The following DNAH5 variants were observed in gnomAD, a reference collection of about 807,000 sequenced individuals.
The protein encoded by DNAH5 is dynein axonemal heavy chain 5.
DNAH5 carries 372 observed loss-of-function variants against 518.2 expected under a neutral mutation model. The observed-to-expected ratio is 0.72, with a 90% CI of 0.66 to 0.78. The LOEUF is 0.78. Ranked by LOEUF, DNAH5 falls within the 30% of genes least tolerant of loss-of-function variation. The pLI, the probability that DNAH5 is intolerant of heterozygous loss-of-function variation, is 0.00. For synonymous variants in DNAH5, 2,039 were observed against 2,025.9 expected (o/e 1.01, Z -0.17); for missense variants, 5,523 against 5,687.0 (o/e 0.97, Z 0.93).
chr5:13,867,827 C>A lies in DNAH5; in HGVS notation c.4000G>T (p.Ala1334Ser). The change falls in exon 25 of 79, where the codon GCT (alanine) becomes TCT (serine). Residue 1334 changes from alanine to serine, a missense_variant. Coordinates refer to ENST00000265104, the MANE Select transcript of DNAH5 (RefSeq NM_001369.3). ...CAATCTTGGAGGAATACCTCCACAG[C>A]ACTAATAAGCTCTTTCTTGAAACTG... ...QPSFKKELIS[A>S]VEVFLQDCHQ... 11 of 1,614,032 alleles carry A rather than the reference C, an allele frequency of 6.8e-6. No homozygotes were observed. The highest frequency in any genetic ancestry group is 1.1e-5 in the South Asian group (1 of 91,080).
chr5:13,841,087 T>C lies in DNAH5; in HGVS notation c.5528A>G (p.Glu1843Gly). ...GIQMIWTRDS[E>G]EALRNAKFDK... Reference sequence around the variant, plus strand: ...AAACTTGGCATTTCTAAGGGCTTCTTCTGAATCCCGTGTCCATATCATCTG... The same window carrying C: ...AAACTTGGCATTTCTAAGGGCTTCTCCTGAATCCCGTGTCCATATCATCTG... The change falls in exon 34 of 79, where the codon GAA (glutamate) becomes GGA (glycine). Residue 1843 changes from glutamate (E) to glycine (G), a missense_variant. Physicochemically the swap from Glu to Gly is moderately conservative, Grantham distance 98. Transcript: ENST00000265104. 6.2e-7 allele frequency: 1 copy of C among 1,614,146 alleles called. No homozygotes were observed. Among genetic ancestry groups the C allele is most frequent in the Non-Finnish European group, 8.5e-7 (1 of 1,180,002 alleles).
chr5:13,731,449 A>G (rs1746541938), intron 68 of DNAH5, among the ~76,000 whole-genome samples: 2 of 152,200 alleles, frequency 1.3e-5, no homozygotes, highest in African/African-American at 4.8e-5. Flanking sequence ...AGTAGCCGGT[A>G]ACTATGTCAT....
Position 13,700,732 on chromosome 5 carries a change from C to T in DNAH5, c.13631G>A (p.Gly4544Asp). The T allele has an allele frequency of 6.2e-7, 1 of 1,614,156 alleles. No individual in the cohort carries two copies. Among genetic ancestry groups the T allele is most frequent in the Non-Finnish European group, 8.5e-7 (1 of 1,180,012 alleles). ...GAGTTTCATGTTCCTCTTGTCCCAG[C>T]CAGCACCTTCAAGATATAAGCCATA... ...YVYGLYLEGA[G>D]WDKRNMKLIE... The change falls in exon 78 of 79, where the codon GGC becomes GAC. Residue 4544 changes from glycine (G) to aspartate (D), a missense_variant. Physicochemically the swap from Gly to Asp is moderately conservative, Grantham distance 94 (BLOSUM62 -1). Around this residue, in one of 3 missense-constraint regions of DNAH5, gnomAD observed 387 missense variants for 430.0 expected, o/e 0.90. Transcript: ENST00000265104.
chr5:13,909,324 C>T (rs1023291342), intron 12 of DNAH5, among the ~76,000 whole-genome samples: 1 of 152,080 alleles, frequency 6.6e-6, no homozygotes, highest in Non-Finnish European at 1.5e-5. Flanking sequence ...TAAAATAGTA[C>T]AATTTTTAAC....
intron 67 of DNAH5, 127 bp downstream of exon 67, chr5:13,735,691 A>G (rs1366912017): frequency 3.6e-6 from 3 of 834,154 alleles, no homozygotes; most frequent in Non-Finnish European, 6.2e-6. Context: ...ATTGGTAATT[A>G]CACTGATCTG....
At position 13,815,246 on chromosome 5, in the gene DNAH5, C is replaced by T. The variant is rs375521705; in HGVS notation, c.6989-400G>A. ...AACTAAGTAGAATGAGGGCATGGGGCATGTTTTAGATAAGGTGGTCGATAA... is the reference window on the plus strand; with the variant it reads ...AACTAAGTAGAATGAGGGCATGGGGTATGTTTTAGATAAGGTGGTCGATAA... On this transcript the variant is annotated intron_variant, in intron 42 of 78. Transcript: ENST00000265104. Among the ~76,000 whole-genome samples the T allele has an allele frequency of 9.7e-4, 148 of 152,158 alleles. 1 individual carries two copies. Among genetic ancestry groups the T allele is most frequent in the African/African-American group, 3.2e-3 (132 of 41,510 alleles).
chr5:13,709,052 G>A (rs1378816284), intron 75 of DNAH5, among the ~76,000 whole-genome samples: 2 of 152,136 alleles, frequency 1.3e-5, no homozygotes, highest in African/African-American at 4.8e-5. Context: ...ATAATGAAGA[G>A]TGCTTATGAA....
rs2151800505 is a variant in DNAH5 at position 13,814,738 on chromosome 5, C to T, written c.7097G>A (p.Arg2366Gln). Residue 2366 changes from arginine to glutamine, a missense_variant, in exon 43 of 79, where the codon CGG (arginine) becomes CAG (glutamine). Arg to Gln is a conservative substitution (Grantham distance 43). This residue lies in a region of DNAH5 where 5,121 missense variants were observed against 5,223.3 expected (regional missense o/e 0.98). Transcript: ENST00000265104. ...NKTLTLANGD[R>Q]IPMAPNCKII... is the part of the protein sequence containing the mutation. Reference sequence around the variant, plus strand: ...CTTGCAGTTTGGAGCCATGGGAATCCGATCACCATTGGCAAGGGTTAGAGT... The same window carrying T: ...CTTGCAGTTTGGAGCCATGGGAATCTGATCACCATTGGCAAGGGTTAGAGT... The T allele has an allele frequency of 6.2e-7, 1 of 1,614,012 alleles. No homozygotes were observed. The highest frequency in any genetic ancestry group is 8.5e-7 in the Non-Finnish European group (1 of 1,179,988).
At chr5:13,972,445 C>G (rs898597175) in intron 1 of DNAH5, among the ~76,000 whole-genome samples, 5 of 150,970 alleles carry the variant, frequency 3.3e-5, no homozygotes, top group African/African-American at 1.2e-4. Flanking sequence ...TGGCAGCTCT[C>G]TCCAAGGACC....
intron 1 of DNAH5, among the ~76,000 whole-genome samples, chr5:13,997,347 T>G (rs1052953596): frequency 2.0e-5 from 3 of 152,244 alleles, no homozygotes; most frequent in Admixed American, 1.3e-4. Context: ...CACAAAACAC[T>G]ATGACACAAA....
At chr5:13,918,496 G>A (rs1342736578) in intron 7 of DNAH5, among the ~76,000 whole-genome samples, 2 of 152,102 alleles carry the variant, frequency 1.3e-5, no homozygotes, top group African/African-American at 4.8e-5. Flanking sequence ...TTTTGGCAGA[G>A]TCTCACTCTG....
intron 65 of DNAH5, among the ~76,000 whole-genome samples, chr5:13,743,595 T>G (rs753235228): frequency 6.6e-6 from 1 of 150,608 alleles, no homozygotes; most frequent in Admixed American, 6.7e-5. Flanking sequence ...ATCCAGAACA[T>G]ACAAGGAACT....
intron 1 of DNAH5, among the ~76,000 whole-genome samples, chr5:13,954,537 A>T (rs1002924421): frequency 6.6e-6 from 1 of 152,244 alleles, no homozygotes; most frequent in African/African-American, 2.4e-5. Flanking sequence ...GCTTAAATAA[A>T]GTCTGCAAGC....
At chr5:13,783,282 A>C (rs1403332577) in intron 52 of DNAH5, among the ~76,000 whole-genome samples, 1 of 152,212 alleles carries the variant, frequency 6.6e-6, no homozygotes, top group Non-Finnish European at 1.5e-5. Flanking sequence ...GATATAAGGC[A>C]GCAAAGGATT....
chr5:13,827,003 G>A (rs1330772153), intron 38 of DNAH5, among the ~76,000 whole-genome samples: 1 of 152,196 alleles, frequency 6.6e-6, no homozygotes, highest in Admixed American at 6.6e-5. Context: ...GGCTGAGGTG[G>A]TCTCAGATAA....
chr5:13,917,344 A>G (rs1776754392), intron 7 of DNAH5, 88 bp from the exon 8 acceptor site: 3 of 913,202 alleles, frequency 3.3e-6, no homozygotes, highest in South Asian at 1.4e-5. Flanking sequence ...CCACAAGTCC[A>G]TTAGGCGAGA....
At chr5:13,825,070 A>G (rs1028377610) in intron 38 of DNAH5, among the ~76,000 whole-genome samples, 2 of 152,214 alleles carry the variant, frequency 1.3e-5, no homozygotes, top group South Asian at 2.1e-4. Context: ...TGCCAGGCAC[A>G]ATGGCTTACA....
In DNAH5 at chr5:13,840,995, T is replaced by C. The variant is rs1246641163; in HGVS notation, c.5620A>G (p.Thr1874Ala). The C allele has an allele frequency of 1.2e-6, 2 of 1,614,224 alleles. No homozygotes were observed. The highest frequency in any genetic ancestry group is 3.3e-5 in the Admixed American group (2 of 60,024). The change falls in exon 34 of 79, where the codon ACC (threonine) becomes GCC (alanine). Residue 1874 changes from threonine to alanine, a missense_variant. Thr to Ala is a moderately conservative substitution (Grantham distance 58). Around this residue, in one of 3 missense-constraint regions of DNAH5, gnomAD observed 5,121 missense variants for 5,223.3 expected, o/e 0.98. Transcript: ENST00000265104. ...LELLNTLIDVTTRDLSSTERV... is the reference protein window; with the variant it reads ...LELLNTLIDVATRDLSSTERV... ...TCCGTGGAACTCAGATCCCTCGTGG[T>C]GACGTCTATCAATGTATTGAGTAGC...
At chr5:13,799,402 G>C (rs1758389616) in intron 47 of DNAH5, among the ~76,000 whole-genome samples, 1 of 151,926 alleles carries the variant, frequency 6.6e-6, no homozygotes, top group Non-Finnish European at 1.5e-5. Flanking sequence ...AGGTGGGATA[G>C]TCAGAGTAAT....
Sources: gnomAD v4.1 joint callset for allele counts (sites outside exome capture counted in the v4.1 genomes callset) on GRCh38, gnomAD v4.1.1 for gene constraint, gnomAD v4.1.1 regional missense constraint, MANE v1.5 for transcripts, NCBI Gene and HGNC (gene_info 2026-07-23, HGNC 2026-07-21) for gene names.